Variants in UBE2G1 observed in about 807,000 individuals in gnomAD.
UBE2G1 encodes ubiquitin-conjugating enzyme E2 G1.
A neutral mutation model predicts 22.7 loss-of-function variants in UBE2G1; 5 were observed. That is an observed-to-expected ratio of 0.22 (90% CI 0.12 to 0.46). The LOEUF is 0.46. Ranked by LOEUF, UBE2G1 falls within the 20% of genes least tolerant of loss-of-function variation. The pLI is 0.99. For synonymous variants in UBE2G1, 74 were observed against 67.5 expected (o/e 1.10, Z -0.47); for missense variants, 88 against 203.9 (o/e 0.43, Z 3.46).
chr17:4,336,068 C>G (rs1429285065), intron 1 of UBE2G1, among the ~76,000 whole-genome samples: 1 of 152,062 alleles, frequency 6.6e-6, no homozygotes, highest in Non-Finnish European at 1.5e-5. Flanking sequence ...ATCGCTTGAA[C>G]CCGGGAGGTG....
intron 5 of UBE2G1, among the ~76,000 whole-genome samples, chr17:4,276,521 GCAAA>G (rs1968823718): frequency 6.6e-6 from 1 of 152,108 alleles, no homozygotes; most frequent in Non-Finnish European, 1.5e-5. Flanking sequence ...ACCTGGCTAG[GCAAA>G]CAGTCTTTAC....
chr17:4,297,386 G>C (rs940442960), intron 2 of UBE2G1, among the ~76,000 whole-genome samples: 1 of 152,136 alleles, frequency 6.6e-6, no homozygotes, highest in Non-Finnish European at 1.5e-5. Context: ...TGACTTTCCA[G>C]AACAGCACTG....
intron 1 of UBE2G1, among the ~76,000 whole-genome samples, chr17:4,316,724 C>T (rs2143752270): frequency 6.6e-6 from 1 of 152,070 alleles, no homozygotes; most frequent in African/African-American, 2.4e-5. Context: ...GTGGCTCATA[C>T]CTGTAATCTC....
At chr17:4,329,354 G>T (rs999729993) in intron 1 of UBE2G1, among the ~76,000 whole-genome samples, 1 of 151,650 alleles carries the variant, frequency 6.6e-6, no homozygotes, top group South Asian at 2.1e-4. Flanking sequence ...AGCAGAGATC[G>T]CACCATTGCA....
In UBE2G1 at chr17:4,269,573, C is replaced by T. The variant is rs1490040306; in HGVS notation, c.*2981G>A. ...AAATCTCACAACCAAGAATGAAGGC[C>T]GTTAAAGATACTGACACCCACGTGA... is the stretch of plus-strand genomic sequence containing the variant. On this transcript the variant is annotated 3_prime_UTR_variant, in exon 6 of 6. Coordinates refer to ENST00000396981, the MANE Select transcript of UBE2G1 (RefSeq NM_003342.5). The T allele has an allele frequency of 5.4e-6, 1 of 186,226 alleles. No homozygotes were observed. Among genetic ancestry groups the T allele is most frequent in the Admixed American group, 4.2e-5 (1 of 23,646 alleles). The allele number at this position is 186,226 out of a possible 1,614,324, so 11.5% of individuals were successfully genotyped here. A position where few individuals can be genotyped will look rare whatever the true frequency, so the allele number is the denominator to read the frequency against.
intron 3 of UBE2G1, among the ~76,000 whole-genome samples, chr17:4,291,942 C>G (rs1480394863): frequency 6.6e-6 from 1 of 152,156 alleles, no homozygotes; most frequent in East Asian, 1.9e-4. Flanking sequence ...TTTCCTCTTG[C>G]CACGGTGTTT....
Position 4,366,427 on chromosome 17 carries a change from C to A in UBE2G1, c.-111G>T, listed in dbSNP as rs1970036817. ...AGGAACCCGGGCCCCGCGACCGGAG[C>A]GCCGGAGCCGAGGAAGGCCGGGCTG... is the stretch of plus-strand genomic sequence containing the variant. On this transcript the variant is annotated 5_prime_UTR_variant, in exon 1 of 6. Coordinates refer to ENST00000396981, the MANE Select transcript of UBE2G1 (RefSeq NM_003342.5). 4 of 1,158,840 alleles carry A rather than the reference C, an allele frequency of 3.5e-6. No individual in the cohort carries two copies. The highest frequency in any genetic ancestry group is 4.5e-6 in the Non-Finnish European group (4 of 892,512). The allele number at this position is 1,158,840 out of a possible 1,614,324, so 71.8% of individuals were successfully genotyped here.
At chr17:4,333,017 C>T (rs1969598238) in intron 1 of UBE2G1, among the ~76,000 whole-genome samples, 1 of 152,150 alleles carries the variant, frequency 6.6e-6, no homozygotes, top group African/African-American at 2.4e-5. Flanking sequence ...GCCCCAGGAC[C>T]TGTGACAGTC....
chr17:4,347,526 G>A (rs945603320), intron 1 of UBE2G1, among the ~76,000 whole-genome samples: 1 of 133,858 alleles, frequency 7.5e-6, no homozygotes, highest in Non-Finnish European at 1.5e-5. Flanking sequence ...CCAGACTGGA[G>A]TGCAGTGGCA....
intron 4 of UBE2G1, among the ~76,000 whole-genome samples, chr17:4,285,380 A>C (rs554866830): frequency 6.6e-6 from 1 of 152,270 alleles, no homozygotes; most frequent in Admixed American, 6.5e-5. Context: ...AGAAATAGTA[A>C]AATATAAATT....
chr17:4,343,062 A>G (rs1969729151), intron 1 of UBE2G1, among the ~76,000 whole-genome samples: 1 of 152,108 alleles, frequency 6.6e-6, no homozygotes, highest in Admixed American at 6.6e-5. Flanking sequence ...TAATTTAATT[A>G]TCTAGTTTAC....
At chr17:4,301,908 G>C in intron 2 of UBE2G1, 1 of 491,718 alleles carries the variant, frequency 2.0e-6, no homozygotes, top group South Asian at 1.6e-5. Context: ...GGTTCTGCTG[G>C]TCACACAACC....
intron 1 of UBE2G1, among the ~76,000 whole-genome samples, chr17:4,362,722 T>C (rs1347122285): frequency 6.6e-6 from 1 of 152,280 alleles, no homozygotes; most frequent in East Asian, 1.9e-4. Context: ...TAGCCTGGCG[T>C]GGTAGTACAT....
chr17:4,310,756 G>C (rs769908237), intron 1 of UBE2G1, among the ~76,000 whole-genome samples: 1 of 152,174 alleles, frequency 6.6e-6, no homozygotes, highest in Non-Finnish European at 1.5e-5. Context: ...AAAAAGGCAT[G>C]ATGAGAACAA....
chr17:4,304,972 A>G (rs1263721147), intron 2 of UBE2G1, among the ~76,000 whole-genome samples: 1 of 117,712 alleles, frequency 8.5e-6, no homozygotes, highest in East Asian at 2.3e-4. Context: ...TTTTTTTTTT[A>G]GATAGAGTTC....
chr17:4,294,487 TAAAAC>T (rs894637463), intron 3 of UBE2G1, among the ~76,000 whole-genome samples: 3 of 151,698 alleles, frequency 2.0e-5, no homozygotes, highest in African/African-American at 7.3e-5. Flanking sequence ...TCTTCAACCT[TAAAAC>T]AAAACACACC....
At chr17:4,337,776 G>C (rs2143790081) in intron 1 of UBE2G1, among the ~76,000 whole-genome samples, 1 of 152,168 alleles carries the variant, frequency 6.6e-6, no homozygotes, top group African/African-American at 2.4e-5. Context: ...AGAATTAAAT[G>C]AGCATTCAAC....
intron 1 of UBE2G1, among the ~76,000 whole-genome samples, chr17:4,351,579 A>G (rs964030304): frequency 2.6e-5 from 4 of 152,262 alleles, no homozygotes; most frequent in Non-Finnish European, 5.9e-5. Flanking sequence ...CTATCATACC[A>G]TAAATGTTCA....
At chr17:4,301,942 G>C in intron 2 of UBE2G1, 2 of 479,468 alleles carry the variant, frequency 4.2e-6, no homozygotes, top group South Asian at 3.2e-5. Flanking sequence ...TTAAGATTGG[G>C]GGTATAAAAT....
Sources: allele counts gnomAD v4.1 joint callset (sites outside exome capture counted in the v4.1 genomes callset), GRCh38; gene constraint gnomAD v4.1.1; transcripts MANE v1.5; gene names NCBI Gene and HGNC (gene_info 2026-07-23, HGNC 2026-07-21).